Variants in FAM107A observed in about 807,000 individuals in gnomAD.
FAM107A encodes the protein family with sequence similarity 107 member A, also known as actin-associated protein FAM107A.
Under a neutral mutation model 13.7 loss-of-function variants are expected in FAM107A, and 19 were observed. The observed-to-expected ratio is 1.38, with a 90% CI of 0.97 to 2.03. FAM107A has a LOEUF of 2.03. Ranked by LOEUF, FAM107A falls within the 30% of genes most tolerant of loss-of-function variation. The probability of loss-of-function intolerance (pLI) is 0.00; values close to 1 mark genes in which losing one functional copy is unlikely to be tolerated. For synonymous variants in FAM107A, 82 were observed against 74.5 expected (o/e 1.10, Z -0.52); for missense variants, 203 against 184.4 (o/e 1.10, Z -0.58).
intron 1 of FAM107A, among the ~76,000 whole-genome samples, chr3:58,593,441 G>A (rs908577796): frequency 2.6e-5 from 4 of 151,940 alleles, no homozygotes; most frequent in African/African-American, 7.3e-5. Context: ...TTACACTGCC[G>A]GTTTACACTT....
chr3:58,586,559 C>T (rs1023672605), intron 1 of FAM107A, among the ~76,000 whole-genome samples: 4 of 151,916 alleles, frequency 2.6e-5, no homozygotes, highest in Non-Finnish European at 4.4e-5. Context: ...TGTGGTGGTG[C>T]GCACCTGTAG....
At chr3:58,605,838 A>G (rs1453126839) in intron 1 of FAM107A, among the ~76,000 whole-genome samples, 4 of 152,218 alleles carry the variant, frequency 2.6e-5, no homozygotes, top group Non-Finnish European at 1.5e-5. Context: ...AAAAAGGCAC[A>G]GTAGTAGACC....
At chr3:58,592,284 G>C (rs2065660297) in intron 1 of FAM107A, among the ~76,000 whole-genome samples, 1 of 152,142 alleles carries the variant, frequency 6.6e-6, no homozygotes, top group Non-Finnish European at 1.5e-5. Context: ...AAGTTGGGCT[G>C]GGTCCCAAGG....
chr3:58,618,398 C>T (rs2065923066), intron 1 of FAM107A, among the ~76,000 whole-genome samples: 2 of 152,220 alleles, frequency 1.3e-5, no homozygotes, highest in Non-Finnish European at 2.9e-5. Flanking sequence ...ATGACTGTTG[C>T]TGCCCTCTCT....
rs568404414 is a variant in FAM107A at position 58,615,947 on chromosome 3, G to C, written c.-70+11469C>G. ...AGGACTTGTCTCTGAGCTGAAACCA[G>C]AAGGAGTCAATCATGAGGAGACCTA... On this transcript the variant is annotated intron_variant, in intron 1 of 3. Transcript: ENST00000465970. 2.8e-5 allele frequency among the ~76,000 whole-genome samples: 4 copies of C among 144,956 alleles called. No homozygotes were observed. In the South Asian group the frequency reaches 9.0e-4, roughly 33 times the overall value.
intron 1 of FAM107A, among the ~76,000 whole-genome samples, chr3:58,586,270 C>T (rs1246305686): frequency 1.3e-5 from 2 of 152,204 alleles, no homozygotes; most frequent in African/African-American, 4.8e-5. Context: ...TTTAAGAGAT[C>T]AGCCAGGAGG....
chr3:58,589,112 C>T (rs1452175606), upstream of FAM107A: 5 of 802,528 alleles, frequency 6.2e-6, no homozygotes, highest in Non-Finnish European at 1.0e-5. Flanking sequence ...CAAAGTGGGA[C>T]TCAGGGAAAT....
chr3:58,564,937 C>T lies in FAM107A; in HGVS notation c.*1651G>A, dbSNP rs899798935. On this transcript the variant is annotated 3_prime_UTR_variant, in exon 4 of 4. Coordinates refer to ENST00000360997, the MANE Select transcript of FAM107A (RefSeq NM_001076778.3). The surrounding 1 kb of genome is among the most constrained non-coding windows in gnomAD (Gnocchi z 5.6). ...CACAGGAAAAGCACGACTTCAGTCA[C>T]CCTCAAACCACCCAGTTATGAGTAA... The T allele has an allele frequency of 1.2e-4, 18 of 152,398 alleles. No homozygotes were observed. The highest frequency in any genetic ancestry group is 3.6e-4 in the African/African-American group (15 of 41,576). The allele number at this position is 152,398 out of a possible 1,614,324, so 9.4% of individuals were successfully genotyped here. A position where few individuals can be genotyped will look rare whatever the true frequency, so the allele number is the denominator to read the frequency against.
At chr3:58,622,378 T>A (rs11707902) in intron 1 of FAM107A, among the ~76,000 whole-genome samples, 12,088 of 151,792 alleles carry the variant, frequency 0.08, 536 homozygotes, top group African/African-American at 0.098. Flanking sequence ...GAGGTGGGGG[T>A]TGTTGTGAGC....
At chr3:58,615,163 C>T (rs2065890314) in intron 1 of FAM107A, among the ~76,000 whole-genome samples, 1 of 152,204 alleles carries the variant, frequency 6.6e-6, no homozygotes, top group African/African-American at 2.4e-5. Context: ...AAGCCAACTA[C>T]ATCATTCTCT....
chr3:58,579,843 G>C (rs147165568), upstream of FAM107A, among the ~76,000 whole-genome samples: 43 of 152,352 alleles, frequency 2.8e-4, no homozygotes, highest in African/African-American at 1.0e-3. Context: ...GCAGTTGGGA[G>C]TCACTGTGCT....
chr3:58,590,540 T>C (rs12636789), upstream of FAM107A, among the ~76,000 whole-genome samples: 156 of 152,336 alleles, frequency 1.0e-3, 2 homozygotes, highest in East Asian at 0.028. Flanking sequence ...AAATGTTTAA[T>C]TGGCTCACAG....
intron 1 of FAM107A, among the ~76,000 whole-genome samples, chr3:58,605,200 A>T (rs1189728339): frequency 6.6e-6 from 1 of 152,132 alleles, no homozygotes; most frequent in Non-Finnish European, 1.5e-5. Context: ...GTCTAGGATG[A>T]AGGTCTCTCC....
At chr3:58,566,894 C>A (rs1450075232) in intron 3 of FAM107A, 199 bp from the exon 4 acceptor site, 1 of 609,218 alleles carries the variant, frequency 1.6e-6, no homozygotes, top group East Asian at 2.7e-5. Context: ...AAATCACTCA[C>A]CCCCTCTGGG....
upstream of FAM107A, among the ~76,000 whole-genome samples, chr3:58,581,432 C>T (rs576676318): frequency 8.5e-5 from 13 of 152,294 alleles, no homozygotes; most frequent in South Asian, 4.1e-4. Context: ...AGCCCATGGG[C>T]GCCTAGAACA....
chr3:58,626,165 T>C (rs2066014127), intron 1 of FAM107A, among the ~76,000 whole-genome samples: 1 of 151,930 alleles, frequency 6.6e-6, no homozygotes, highest in African/African-American at 2.4e-5. Context: ...AGTGAGCACG[T>C]AGGACAATCC....
chr3:58,602,631 G>A (rs576031677), intron 1 of FAM107A, among the ~76,000 whole-genome samples: 2 of 152,294 alleles, frequency 1.3e-5, no homozygotes, highest in African/African-American at 4.8e-5. Flanking sequence ...GAAGGATGTT[G>A]TAGACCTAGG....
At chr3:58,611,832 G>C (rs1026865279) in intron 1 of FAM107A, among the ~76,000 whole-genome samples, 1 of 152,206 alleles carries the variant, frequency 6.6e-6, no homozygotes, top group African/African-American at 2.4e-5. Context: ...AAAGTATTTG[G>C]ATAGAGTTCT....
chr3:58,580,780 C>T (rs1324540633), upstream of FAM107A, among the ~76,000 whole-genome samples: 8 of 151,876 alleles, frequency 5.3e-5, no homozygotes, highest in East Asian at 3.9e-4. Context: ...TGTTCTACAG[C>T]GTAAAATTAC....
Sources: gnomAD v4.1 joint callset for allele counts (sites outside exome capture counted in the v4.1 genomes callset) on GRCh38, gnomAD v4.1.1 for gene constraint, Gnocchi (gnomAD v3.1) non-coding constraint, MANE v1.5 for transcripts, NCBI Gene and HGNC (gene_info 2026-07-23, HGNC 2026-07-21) for gene names.